AGBL1: variants seen among roughly 807,000 people sequenced by gnomAD.
AGBL1 encodes the protein AGBL carboxypeptidase 1.
AGBL1 carries 130 observed loss-of-function variants against 118.9 expected under a neutral mutation model. The observed-to-expected ratio is 1.09, with a 90% confidence interval of 0.95 to 1.26. The LOEUF (loss-of-function observed/expected upper bound fraction) is 1.26. Among genes scored for constraint, AGBL1 ranks in the 50% most tolerant of loss-of-function variants. The pLI is 0.00. For missense variants in AGBL1, 1,584 were observed against 1,298.1 expected (o/e 1.22, Z -3.38); for synonymous variants, 555 against 478.9 (o/e 1.16, Z -2.08).
chr15:86,836,881 C>G (rs185833972), intron 22 of AGBL1, among the ~76,000 whole-genome samples: 1 of 152,310 alleles, frequency 6.6e-6, no homozygotes, highest in East Asian at 1.9e-4. Context: ...TGTAACATCA[C>G]TCTTTTGTTT....
intron 18 of AGBL1, among the ~76,000 whole-genome samples, chr15:86,442,189 G>C (rs1431775301): frequency 1.3e-5 from 2 of 152,192 alleles, no homozygotes; most frequent in Non-Finnish European, 2.9e-5. Context: ...AAAGGCATAT[G>C]GTCAGGTCAG....
At position 86,142,746 on chromosome 15, in the gene AGBL1, A is replaced by G. The variant is rs1051629447; in HGVS notation, c.115+679A>G. Among the ~76,000 whole-genome samples, 5 of 152,328 alleles carry G rather than the reference A, an allele frequency of 3.3e-5. No individual in the cohort carries two copies. In the East Asian group the frequency reaches 7.7e-4, roughly 24 times the overall value. On this transcript the variant is annotated intron_variant, in intron 2 of 22. Transcript: ENST00000614907. ...ATGGTTTGTGCTGCGTTCCACTGGC[A>G]GGATGACTTACATTTAGTCTTTCAC...
At chr15:86,108,571 G>A (rs1047450487) in intron 1 of AGBL1, among the ~76,000 whole-genome samples, 3 of 152,108 alleles carry the variant, frequency 2.0e-5, no homozygotes, top group Non-Finnish European at 2.9e-5. Flanking sequence ...AAGTGGATAC[G>A]TTTAGGTGCT....
chr15:86,430,425 G>A (rs2081921257), intron 18 of AGBL1, among the ~76,000 whole-genome samples: 2 of 151,568 alleles, frequency 1.3e-5, no homozygotes, highest in African/African-American at 4.8e-5. Context: ...AACCCAGGAG[G>A]TGGAGCTTGC....
chr15:86,818,751 C>T (rs11073674), intron 22 of AGBL1, among the ~76,000 whole-genome samples: 47,200 of 152,088 alleles, frequency 0.31, 9,101 homozygotes, highest in Non-Finnish European at 0.45. Flanking sequence ...AGTACAACAT[C>T]GTGGCTCAGC....
rs1263179643 is a variant in AGBL1, at chr15:86,364,981, A to ATG, written c.2375-32384_2375-32383insGT. On this transcript the variant is annotated intron_variant, in intron 17 of 22. Transcript: ENST00000614907. ...CACATATATATATATATATATATAT[A>ATG]TATATATACACACACACATATATAT... Among the ~76,000 whole-genome samples, 16 of 76,288 alleles carry ATG rather than the reference A, an allele frequency of 2.1e-4. 1 individual carries two copies. Among genetic ancestry groups the ATG allele is most frequent in the East Asian group, 9.1e-4 (4 of 4,402 alleles). The allele number at this position is 76,288 out of a possible 152,430, so 50.0% of individuals were successfully genotyped here. A position where few individuals can be genotyped will look rare whatever the true frequency, so the allele number is the denominator to read the frequency against.
intron 23 of AGBL1, among the ~76,000 whole-genome samples, chr15:86,976,148 AT>A (rs926368910): frequency 2.0e-5 from 3 of 150,982 alleles, no homozygotes; most frequent in Non-Finnish European, 3.0e-5. Context: ...CATTTATTAT[AT>A]TTTTATTTAT....
chr15:86,079,812 C>G (rs574091100), upstream of AGBL1: 41 of 424,868 alleles, frequency 9.7e-5, no homozygotes, highest in African/African-American at 7.5e-4. Flanking sequence ...GTGCCGAGGT[C>G]TAGGGTTGCA....
intron 16 of AGBL1, among the ~76,000 whole-genome samples, chr15:86,294,096 C>T (rs553107115): frequency 2.6e-4 from 39 of 152,040 alleles, no homozygotes; most frequent in African/African-American, 8.9e-4. Context: ...CTTCGGAATT[C>T]TTAAAGATTG....
intron 5 of AGBL1, among the ~76,000 whole-genome samples, chr15:86,208,357 C>T (rs1280565636): frequency 6.6e-6 from 1 of 152,138 alleles, no homozygotes; most frequent in African/African-American, 2.4e-5. Flanking sequence ...AGAGGATTGC[C>T]CCTTTTTCTA....
intron 22 of AGBL1, among the ~76,000 whole-genome samples, chr15:86,906,181 C>A (rs916878948): frequency 2.0e-5 from 3 of 152,190 alleles, no homozygotes. Context: ...AAACCCAGCA[C>A]GCTGCTAATC....
chr15:86,219,160 C>T (rs1401418461), intron 5 of AGBL1, among the ~76,000 whole-genome samples: 1 of 152,148 alleles, frequency 6.6e-6, no homozygotes, highest in African/African-American at 2.4e-5. Flanking sequence ...GTGACCTCTC[C>T]TGACTGGTGA....
At chr15:86,451,194 C>G (rs1326482586) in intron 18 of AGBL1, among the ~76,000 whole-genome samples, 1 of 140,474 alleles carries the variant, frequency 7.1e-6, no homozygotes, top group African/African-American at 3.1e-5. Flanking sequence ...TAAATTTCAG[C>G]ATGTGTGACT....
intron 22 of AGBL1, among the ~76,000 whole-genome samples, chr15:86,719,068 G>A (rs2086679060): frequency 6.6e-6 from 1 of 152,120 alleles, no homozygotes; most frequent in African/African-American, 2.4e-5. Context: ...AAAAGTTCAT[G>A]GGAATGGCTC....
At chr15:86,467,433 A>C (rs1245399654) in intron 18 of AGBL1, among the ~76,000 whole-genome samples, 2 of 152,176 alleles carry the variant, frequency 1.3e-5, no homozygotes, top group African/African-American at 4.8e-5. Flanking sequence ...TCTCCTGAGC[A>C]AGACCATTTG....
chr15:86,152,221 A>G (rs933703564), intron 3 of AGBL1, among the ~76,000 whole-genome samples: 1 of 152,246 alleles, frequency 6.6e-6, no homozygotes, highest in Non-Finnish European at 1.5e-5. Flanking sequence ...GACAATCCTA[A>G]GCAAAAAGAA....
chr15:86,896,970 C>G (rs1191545605), intron 22 of AGBL1, among the ~76,000 whole-genome samples: 2 of 152,154 alleles, frequency 1.3e-5, no homozygotes, highest in Non-Finnish European at 2.9e-5. Context: ...CTAAGGAAAG[C>G]AAATAGCTTT....
chr15:86,446,613 T>G (rs1434279247), intron 18 of AGBL1, among the ~76,000 whole-genome samples: 2 of 152,200 alleles, frequency 1.3e-5, no homozygotes, highest in Non-Finnish European at 2.9e-5. Flanking sequence ...CTTTGTGATA[T>G]TATATCTGTG....
At chr15:86,808,920 TACTC>T (rs1161701607) in intron 22 of AGBL1, among the ~76,000 whole-genome samples, 2 of 152,118 alleles carry the variant, frequency 1.3e-5, no homozygotes, top group Non-Finnish European at 2.9e-5. Flanking sequence ...TTCAATTACA[TACTC>T]AATAACTATT....
Sources: gnomAD v4.1 joint callset for allele counts (sites outside exome capture counted in the v4.1 genomes callset) on GRCh38, gnomAD v4.1.1 for gene constraint, MANE v1.5 for transcripts, NCBI Gene and HGNC (gene_info 2026-07-23, HGNC 2026-07-21) for gene names.